The following TSPAN7 variants were observed in gnomAD, a reference collection of about 807,000 sequenced individuals.
TSPAN7 encodes tetraspanin 7, also known as tetraspanin-7.
Under a neutral mutation model 17.6 loss-of-function variants are expected in TSPAN7, and 1 was observed. The observed-to-expected ratio is 0.06, with a 90% CI of 0.02 to 0.27. The LOEUF (loss-of-function observed/expected upper bound fraction) is 0.27, where lower values mean the gene tolerates loss of function less well. Among genes scored for constraint, TSPAN7 ranks in the 10% least tolerant of loss-of-function variants. The probability of loss-of-function intolerance (pLI) is 1.00; values close to 1 mark genes in which losing one functional copy is unlikely to be tolerated. For synonymous variants in TSPAN7, 78 were observed against 79.0 expected (o/e 0.99, Z 0.07); for missense variants, 112 against 201.7 (o/e 0.56, Z 2.69).
chrX:38,569,280 A>G (rs186822222), intron 1 of TSPAN7, among the ~76,000 whole-genome samples: 6 of 111,249 alleles, frequency 5.4e-5, no homozygotes, highest in Admixed American at 4.8e-4. Context: ...CTACAGAAGA[A>G]TCTTCTAATT....
chrX:38,589,252 T>C (rs2069277125), intron 1 of TSPAN7, among the ~76,000 whole-genome samples: 1 of 112,112 alleles, frequency 8.9e-6, no homozygotes, highest in Non-Finnish European at 1.9e-5. Flanking sequence ...ATTTGTGTCC[T>C]GATATTTATT....
chrX:38,578,412 G>A (rs2069208981), intron 1 of TSPAN7, among the ~76,000 whole-genome samples: 1 of 111,916 alleles, frequency 8.9e-6, no homozygotes, highest in Non-Finnish European at 1.9e-5. Context: ...CTCCTTAACA[G>A]CTGCTGCTGT....
At chrX:38,617,178 G>A (rs2069460278) in intron 1 of TSPAN7, among the ~76,000 whole-genome samples, 2 of 111,868 alleles carry the variant, frequency 1.8e-5, no homozygotes, top group African/African-American at 6.5e-5. Context: ...TTCTCGTGCT[G>A]AAGAATCATC....
At chrX:38,602,439 A>G (rs1002233690) in intron 1 of TSPAN7, among the ~76,000 whole-genome samples, 6 of 111,789 alleles carry the variant, frequency 5.4e-5, no homozygotes, top group African/African-American at 2.0e-4. Context: ...AATTATTGAT[A>G]ATAGACAAAG....
chrX:38,642,923 G>A (rs1456219844), intron 1 of TSPAN7, among the ~76,000 whole-genome samples: 1 of 111,466 alleles, frequency 9.0e-6, no homozygotes, highest in Non-Finnish European at 1.9e-5. Flanking sequence ...CCATGGCAGT[G>A]CTTTGTATGC....
chrX:38,561,901 T>C (rs1393902839), intron 1 of TSPAN7, among the ~76,000 whole-genome samples: 2 of 111,467 alleles, frequency 1.8e-5, no homozygotes, highest in Admixed American at 9.4e-5. Flanking sequence ...AAAATGTTAA[T>C]GCATTAGTTT....
intron 1 of TSPAN7, among the ~76,000 whole-genome samples, chrX:38,581,295 T>C (rs1013921656): frequency 1.8e-5 from 2 of 112,165 alleles, no homozygotes; most frequent in Admixed American, 9.4e-5. Flanking sequence ...CTGGGTAATT[T>C]ATGAAGAAAA....
intron 6 of TSPAN7, 84 bp downstream of exon 6, chrX:38,681,371 G>A: frequency 1.2e-6 from 1 of 833,784 alleles, no homozygotes; most frequent in Non-Finnish European, 1.8e-6. Context: ...CTGCCTTCCT[G>A]TGCTTTGGGA....
chrX:38,665,804 G>A (rs1381147743), intron 1 of TSPAN7, among the ~76,000 whole-genome samples: 1 of 111,846 alleles, frequency 8.9e-6, no homozygotes, highest in Non-Finnish European at 1.9e-5. Context: ...GCTGGGGGAA[G>A]GCTCTCAGAC....
intron 2 of TSPAN7, among the ~76,000 whole-genome samples, chrX:38,670,931 C>T (rs1249861652): frequency 2.7e-5 from 3 of 112,032 alleles, no homozygotes; most frequent in East Asian, 2.8e-4. Context: ...TGGAATGGGC[C>T]GCAGGGAATT....
intron 1 of TSPAN7, among the ~76,000 whole-genome samples, chrX:38,569,748 T>A (rs1466941500): frequency 5.4e-5 from 6 of 111,467 alleles, no homozygotes; most frequent in Admixed American, 4.8e-4. Flanking sequence ...AACATTCTTT[T>A]AGTGTCATTT....
intron 1 of TSPAN7, among the ~76,000 whole-genome samples, chrX:38,601,603 G>A (rs769095647): frequency 1.8e-5 from 2 of 111,903 alleles, no homozygotes; most frequent in Non-Finnish European, 3.8e-5. Flanking sequence ...TTATGTTTTT[G>A]TGTGTGTTTT....
intron 1 of TSPAN7, among the ~76,000 whole-genome samples, chrX:38,609,656 ATAAT>A (rs2069407267): frequency 9.2e-6 from 1 of 108,435 alleles, no homozygotes; most frequent in Non-Finnish European, 1.9e-5. Flanking sequence ...ATATATGTAT[ATAAT>A]TAAAGTAAGA....
At chrX:38,628,837 G>A (rs750047068) in intron 1 of TSPAN7, among the ~76,000 whole-genome samples, 109 of 111,829 alleles carry the variant, frequency 9.7e-4, no homozygotes, top group Non-Finnish European at 1.5e-3. Flanking sequence ...GTATATTAAG[G>A]TTTGTGCAAT....
intron 1 of TSPAN7, among the ~76,000 whole-genome samples, chrX:38,652,241 T>C (rs150186660): frequency 0.015 from 1,735 of 112,241 alleles, 41 homozygotes; most frequent in African/African-American, 0.054. Context: ...TCCAGGGAGA[T>C]AATTGGCTAG....
intron 4 of TSPAN7, among the ~76,000 whole-genome samples, chrX:38,674,643 C>T (rs1039852714): frequency 2.7e-5 from 3 of 111,520 alleles, no homozygotes; most frequent in Admixed American, 1.9e-4. Flanking sequence ...AGTTGGCTCC[C>T]GGAGGCTGGC....
intron 6 of TSPAN7, 139 bp downstream of exon 6, chrX:38,681,426 G>C (rs17247299): frequency 0.04 from 21,610 of 533,676 alleles, 376 homozygotes; most frequent in Middle Eastern, 0.063. Context: ...TTAGTCCTCA[G>C]GTGATCTGTT....
chrX:38,643,672 CAAAAAAA>C lies in TSPAN7; in HGVS notation c.82-22432_82-22426del, dbSNP rs34238064. Among the ~76,000 whole-genome samples the C allele has an allele frequency of 6.1e-4, 34 of 56,050 alleles. No homozygotes were observed. The East Asian group carries it at 0.013, about 22-fold the overall frequency. The allele number at this position is 56,050 out of a possible 115,157, so 48.7% of individuals were successfully genotyped here. A position where few individuals can be genotyped will look rare whatever the true frequency, so the allele number is the denominator to read the frequency against. On this transcript the variant is annotated intron_variant, in intron 1 of 7. Transcript: ENST00000378482. ...TAACACAATGAAACCCCGTCTCTAC[CAAAAAAA>C]AAAAAAAAAAAAAAAATTAGCCAGA... is the stretch of plus-strand genomic sequence containing the variant.
chrX:38,640,373 C>T (rs1033810505), intron 1 of TSPAN7, among the ~76,000 whole-genome samples: 4 of 111,793 alleles, frequency 3.6e-5, no homozygotes, highest in Non-Finnish European at 7.5e-5. Context: ...GGGCAACTCC[C>T]AAGATTGCAT....
Sources: allele counts gnomAD v4.1 joint callset (sites outside exome capture counted in the v4.1 genomes callset), GRCh38; gene constraint gnomAD v4.1.1; transcripts MANE v1.5; gene names NCBI Gene and HGNC (gene_info 2026-07-23, HGNC 2026-07-21).